YTHDC1: variants seen among roughly 807,000 people sequenced by gnomAD.
The protein encoded by YTHDC1 is YTH domain-containing protein 1.
In YTHDC1, 12 loss-of-function variants were observed where a neutral mutation model predicts 107.0. That is an observed-to-expected ratio of 0.11 (90% CI 0.07 to 0.18). The LOEUF (loss-of-function observed/expected upper bound fraction) is 0.18, where lower values mean the gene tolerates loss of function less well. Among genes scored for constraint, YTHDC1 ranks in the 10% least tolerant of loss-of-function variants. The pLI is 1.00. For synonymous variants in YTHDC1, 280 were observed against 289.5 expected, an observed-to-expected ratio of 0.97 and a Z score of 0.33; for missense variants, 635 against 898.8, an observed-to-expected ratio of 0.71 and a Z score of 3.75.
At chr4:68,336,045 A>G (rs1724123606) in intron 4 of YTHDC1, among the ~76,000 whole-genome samples, 1 of 148,242 alleles carries the variant, frequency 6.7e-6, no homozygotes, top group Non-Finnish European at 1.5e-5. Context: ...CTATCTGTAT[A>G]TAGTATAGGT....
chr4:68,319,026 CATG>C (rs112746070), intron 12 of YTHDC1, among the ~76,000 whole-genome samples, 164 bp from the exon 13 acceptor site: 7 of 152,142 alleles, frequency 4.6e-5, no homozygotes, highest in African/African-American at 1.7e-4. Context: ...TCTCAGATTA[CATG>C]ATAATCTAGG....
chr4:68,326,780 G>A (rs1723036395), intron 9 of YTHDC1, among the ~76,000 whole-genome samples: 1 of 151,420 alleles, frequency 6.6e-6, no homozygotes, highest in Non-Finnish European at 1.5e-5. Flanking sequence ...TAGTAGAGAC[G>A]GGGTTTCACC....
intron 9 of YTHDC1, 81 bp from the exon 10 acceptor site, chr4:68,324,304 T>G (rs1174514622): frequency 8.0e-7 from 1 of 1,246,816 alleles, no homozygotes; most frequent in African/African-American, 1.5e-5. Flanking sequence ...TGAATTCCTG[T>G]ATTAACTGTG....
At chr4:68,317,298 A>G (rs933821204) in intron 15 of YTHDC1, among the ~76,000 whole-genome samples, 29 of 152,220 alleles carry the variant, frequency 1.9e-4, no homozygotes, top group Non-Finnish European at 3.1e-4. Context: ...ATTAAAGATT[A>G]CTTTCATAGT....
chr4:68,337,191 TCTTCC>T lies in YTHDC1; in HGVS notation c.714_718del (p.Glu239GlyfsTer11). The T allele has an allele frequency of 2.5e-6, 4 of 1,604,180 alleles. No individual in the cohort carries two copies. Among genetic ancestry groups the T allele is most frequent in the Non-Finnish European group, 3.4e-6 (4 of 1,171,824 alleles). On this transcript the variant is annotated frameshift_variant, in exon 4 of 17. Transcript: ENST00000344157. LOFTEE classifies it high-confidence loss of function. ...TTCTTCTTCCTCCTCCTCCTCCTCC[TCTTCC>T]TCCTCCTCCTCTTCCTCCTCCTCCT...
chr4:68,343,624 C>T (rs1725102160), intron 1 of YTHDC1, among the ~76,000 whole-genome samples: 1 of 151,308 alleles, frequency 6.6e-6, no homozygotes. Flanking sequence ...CAACCTCCGC[C>T]TCTGAGGTTC....
chr4:68,349,630 A>ACCCCCC, intron 1 of YTHDC1, 96 bp downstream of exon 1: 4 of 153,366 alleles, frequency 2.6e-5, no homozygotes, highest in Non-Finnish European at 5.2e-5. Flanking sequence ...TAACCTCCCC[A>ACCCCCC]ACCCCCACCC....
At chr4:68,323,082 G>A (rs1451962961) in intron 10 of YTHDC1, among the ~76,000 whole-genome samples, 167 bp from the exon 11 acceptor site, 2 of 152,148 alleles carry the variant, frequency 1.3e-5, no homozygotes, top group Non-Finnish European at 2.9e-5. Context: ...TTTAAAAAGT[G>A]TTTTGTGTAT....
intron 9 of YTHDC1, among the ~76,000 whole-genome samples, chr4:68,329,147 T>A (rs989058259): frequency 4.6e-5 from 7 of 152,042 alleles, no homozygotes; most frequent in African/African-American, 1.7e-4. Flanking sequence ...TTCTTATCCA[T>A]CTTTGCCCTC....
chr4:68,339,576 T>C (rs1382310686), intron 1 of YTHDC1, among the ~76,000 whole-genome samples: 1 of 150,252 alleles, frequency 6.7e-6, no homozygotes, highest in Non-Finnish European at 1.5e-5. Flanking sequence ...TTACAAATGG[T>C]TCAGGAAAAA....
In YTHDC1 at chr4:68,313,400, G is replaced by GC. The variant is rs1721459162; in HGVS notation, c.*698dup. The GC allele has an allele frequency of 1.3e-5, 2 of 152,572 alleles. No homozygotes were observed. Among genetic ancestry groups the GC allele is most frequent in the Non-Finnish European group, 2.9e-5 (2 of 68,032 alleles). 9.5% of individuals were successfully genotyped at this position (152,572 alleles called of 1,614,324 possible). A position where few individuals can be genotyped will look rare whatever the true frequency, so the allele number is the denominator to read the frequency against. ...GGAATCGTCTTCCGCTGCCACGCAC[G>GC]CAAGTTGTGAACATTCCAAGCCAAT... On this transcript the variant is annotated 3_prime_UTR_variant, in exon 17 of 17. Transcript: ENST00000344157.
chr4:68,331,982 T>G (rs1723635563), intron 7 of YTHDC1, 121 bp downstream of exon 7: 2 of 527,284 alleles, frequency 3.8e-6, no homozygotes, highest in Non-Finnish European at 6.4e-6. Flanking sequence ...GCCATTGGAA[T>G]GTAGATCTTT....
At chr4:68,349,642 C>CCCCCCCCCACCA in intron 1 of YTHDC1, 84 bp downstream of exon 1, 1 of 396,688 alleles carries the variant, frequency 2.5e-6, no homozygotes, top group Non-Finnish European at 5.1e-6. Flanking sequence ...CCCCCACCCC[C>CCCCCCCCCACCA]CACCCCCAAC....
chr4:68,339,901 G>A (rs1279999479), intron 1 of YTHDC1, among the ~76,000 whole-genome samples: 1 of 152,076 alleles, frequency 6.6e-6, no homozygotes, highest in Non-Finnish European at 1.5e-5. Context: ...CTTCTACCTT[G>A]TCCAACAAGA....
rs756074278 is a variant in YTHDC1, at chr4:68,318,505, A to G, written c.1824+14T>C. On this transcript the variant is annotated intron_variant, in intron 15 of 16. Transcript: ENST00000344157. ...ATTAAGTTATGTAACTTATAAAAAT[A>G]GAATAATACAAACCATTCCTTGCCA... is the stretch of plus-strand genomic sequence containing the variant. 1 of 1,591,564 alleles carries G rather than the reference A, an allele frequency of 6.3e-7. No homozygotes were observed. Among genetic ancestry groups the G allele is most frequent in the Non-Finnish European group, 8.5e-7 (1 of 1,171,064 alleles).
At chr4:68,335,320 T>C (rs1724034338) in intron 4 of YTHDC1, among the ~76,000 whole-genome samples, 1 of 152,144 alleles carries the variant, frequency 6.6e-6, no homozygotes. Context: ...ATTAATATAG[T>C]ACCTAAAGCA....
intron 11 of YTHDC1, among the ~76,000 whole-genome samples, chr4:68,321,389 G>C (rs565919438): frequency 2.0e-5 from 3 of 152,108 alleles, no homozygotes; most frequent in African/African-American, 7.2e-5. Flanking sequence ...CTGTAGTTTG[G>C]GGAGTGCATT....
At position 68,311,257 on chromosome 4, in the gene YTHDC1, CT is replaced by C. The variant is rs1478381352; in HGVS notation, c.*2841del. ...ACTGAAACTACATGGACAATGGAAG[CT>C]TGGAGATAATGGCCATTTTCTGAAA... is the stretch of plus-strand genomic sequence containing the variant. On this transcript the variant is annotated 3_prime_UTR_variant, in exon 17 of 17. Transcript: ENST00000344157. 1 of 151,890 alleles carries C rather than the reference CT, an allele frequency of 6.6e-6. No homozygotes were observed. Among genetic ancestry groups the C allele is most frequent in the Non-Finnish European group, 1.5e-5 (1 of 67,978 alleles). 9.4% of individuals were successfully genotyped at this position (151,890 alleles called of 1,614,324 possible). A position where few individuals can be genotyped will look rare whatever the true frequency, so the allele number is the denominator to read the frequency against.
chr4:68,315,109 A>G (rs1313362586), intron 16 of YTHDC1, among the ~76,000 whole-genome samples: 1 of 152,194 alleles, frequency 6.6e-6, no homozygotes, highest in Non-Finnish European at 1.5e-5. Flanking sequence ...TCCTATTTTA[A>G]AAGCCATGTG....
Sources: allele counts gnomAD v4.1 joint callset (sites outside exome capture counted in the v4.1 genomes callset), GRCh38; gene constraint gnomAD v4.1.1; transcripts MANE v1.5; gene names NCBI Gene and HGNC (gene_info 2026-07-23, HGNC 2026-07-21).